Variants in PLD1 observed in about 807,000 individuals in gnomAD.
The protein encoded by PLD1 is choline phosphatase 1.
In PLD1, 112 loss-of-function variants were observed where a neutral mutation model predicts 137.1. That is an observed-to-expected ratio of 0.82 (90% confidence interval 0.70 to 0.96). The LOEUF is 0.96. PLD1 is among the 40% of genes least tolerant of loss of function. The pLI is 0.00. For synonymous variants in PLD1, 431 were observed against 454.7 expected, an observed-to-expected ratio of 0.95 and a Z score of 0.66; for missense variants, 1,321 against 1,342.0, an observed-to-expected ratio of 0.98 and a Z score of 0.24.
At chr3:171,726,121 A>G (rs1718485575) in intron 6 of PLD1, 45 bp from the exon 7 acceptor site, 1 of 1,288,554 alleles carries the variant, frequency 7.8e-7, no homozygotes. Context: ...AAAACAATTC[A>G]AATTTATGCA....
chr3:171,643,015 T>C (rs1016476405), intron 22 of PLD1, 126 bp from the exon 23 acceptor site: 2 of 629,102 alleles, frequency 3.2e-6, no homozygotes, highest in Admixed American at 3.4e-5. Context: ...AGATGCTACA[T>C]ATATATCTAA....
chr3:171,735,626 A>T lies in PLD1; in HGVS notation c.300T>A (p.Ile100=). 6.6e-7 allele frequency: 1 copy of T among 1,521,014 alleles called. No homozygotes were observed. Among genetic ancestry groups the T allele is most frequent in the Non-Finnish European group, 9.1e-7 (1 of 1,095,252 alleles). 94.2% of individuals were successfully genotyped at this position (1,521,014 alleles called of 1,614,324 possible). A position where few individuals can be genotyped will look rare whatever the true frequency, so the allele number is the denominator to read the frequency against. ...GTGTTAATTCAATAGTGTAAAGATT[A>T]ATACTTGGTACCTACAGTGATACAT... The part of the protein sequence containing the change: ...RFTSTTRVPS[I]NLYTIELTHG... Residue 100 remains isoleucine (I), a synonymous_variant, in exon 4 of 27, where the codon ATT becomes ATA. Coordinates refer to ENST00000351298, the MANE Select transcript of PLD1 (RefSeq NM_002662.5).
rs534086557 is a variant in PLD1, at chr3:171,622,251, C to A, written c.2594-1731G>T. Among the ~76,000 whole-genome samples the A allele has an allele frequency of 2.1e-4, 32 of 152,282 alleles. No homozygotes were observed. In the South Asian group the frequency reaches 6.0e-3, roughly 29 times the overall value. The stretch of plus-strand genomic sequence containing the variant: ...TAGTAGACCAGTGGTTCTCAGCATG[C>A]ACAAAGACCACCTCTATGGAATTTG... On this transcript the variant is annotated intron_variant, in intron 23 of 26. Coordinates refer to ENST00000351298, the MANE Select transcript of PLD1 (RefSeq NM_002662.5).
At position 171,699,748 on chromosome 3, in the gene PLD1, T is replaced by C. The variant is rs1316879130; in HGVS notation, c.1224A>G (p.Lys408=). The part of the protein sequence containing the change: ...RWRLDCILKR[K]AQQGVRIFIM... ...CATTTTCTGGGAAAGTACATACTGC[T>C]TTTCGTTTAAGAATGCAGTCCAACC... Residue 408 remains lysine, a synonymous_variant, in exon 12 of 27, where the codon AAA becomes AAG. Coordinates refer to ENST00000351298, the MANE Select transcript of PLD1 (RefSeq NM_002662.5). 1 of 1,608,598 alleles carries C rather than the reference T, an allele frequency of 6.2e-7. No individual in the cohort carries two copies. Among genetic ancestry groups the C allele is most frequent in the East Asian group, 2.2e-5 (1 of 44,850 alleles).
intron 13 of PLD1, among the ~76,000 whole-genome samples, chr3:171,689,780 GCA>G (rs1714965152): frequency 6.6e-6 from 1 of 152,160 alleles, no homozygotes; most frequent in Non-Finnish European, 1.5e-5. Context: ...GGGACTACAT[GCA>G]TGAGCCACCA....
chr3:171,699,662 G>A, intron 12 of PLD1, 83 bp downstream of exon 12: 1 of 971,546 alleles, frequency 1.0e-6, no homozygotes, highest in Non-Finnish European at 1.6e-6. Context: ...AGTTATACGT[G>A]TGAAAGGCTT....
chr3:171,643,144 G>A, intron 22 of PLD1: 2 of 347,654 alleles, frequency 5.8e-6, no homozygotes, highest in Non-Finnish European at 1.0e-5. Flanking sequence ...CAGAAAGAGA[G>A]GCTATTAAAA....
intron 1 of PLD1, among the ~76,000 whole-genome samples, chr3:171,804,972 T>C (rs1354835650): frequency 6.6e-6 from 1 of 152,224 alleles, no homozygotes; most frequent in Admixed American, 6.5e-5. Context: ...CTTTTCCCCA[T>C]GTTTATTCCT....
chr3:171,642,137 G>A (rs1735807165), intron 23 of PLD1, among the ~76,000 whole-genome samples: 1 of 152,078 alleles, frequency 6.6e-6, no homozygotes, highest in South Asian at 2.1e-4. Context: ...TTGTAGCCAA[G>A]AACTAGGTAG....
intron 1 of PLD1, among the ~76,000 whole-genome samples, chr3:171,761,350 T>C (rs182599745): frequency 1.3e-5 from 2 of 152,278 alleles, no homozygotes; most frequent in East Asian, 3.9e-4. Flanking sequence ...AAAAAGGAGA[T>C]GCTTCATCAG....
Position 171,674,574 on chromosome 3 carries a change from G to A in PLD1, c.2155C>T (p.Leu719=). ...GCTGTTGTTTGAGACTTTGGAAGCA[G>A]AAAAGGATAAGAAAGGGACCGATAT... ...SKYRSLSYPF[L]LPKSQTTAHE... The change falls in exon 19 of 27, where the codon CTG becomes TTG. Residue 719 remains leucine, a synonymous_variant. Transcript: ENST00000351298. 1.2e-6 allele frequency: 2 copies of A among 1,608,668 alleles called. No homozygotes were observed. Among genetic ancestry groups the A allele is most frequent in the African/African-American group, 2.7e-5 (2 of 74,882 alleles).
In PLD1 at chr3:171,714,627, T is replaced by A. The variant is rs144037138; in HGVS notation, c.759-582A>T. Among the ~76,000 whole-genome samples the A allele has an allele frequency of 5.5e-4, 84 of 152,354 alleles. No individual in the cohort carries two copies. In the East Asian group the frequency reaches 0.015, roughly 28 times the overall value. ...CTGTAAATATAGCATGGGAACTCAG[T>A]ATTTAAAATATATCTATAATAAATC... is the stretch of plus-strand genomic sequence containing the variant. On this transcript the variant is annotated intron_variant, in intron 8 of 26. Transcript: ENST00000351298.
At chr3:171,704,835 T>C (rs1560234515) in intron 11 of PLD1, among the ~76,000 whole-genome samples, 1 of 152,020 alleles carries the variant, frequency 6.6e-6, no homozygotes, top group South Asian at 2.1e-4. Context: ...TTTCCATGGG[T>C]GGGAGCTGGG....
Position 171,785,424 on chromosome 3 carries a change from A to G in PLD1, c.-32+24975T>C, listed in dbSNP as rs1722972784. On this transcript the variant is annotated intron_variant, in intron 1 of 26. Transcript: ENST00000351298. ...AGATATTTTACATTTCTTGTGTACT[A>G]GGAAATCCAGTGTCTATTTTTTTTT... 2.0e-5 allele frequency among the ~76,000 whole-genome samples: 3 copies of G among 146,994 alleles called. No individual in the cohort carries two copies. The Admixed American group carries it at 2.1e-4, about 10-fold the overall frequency.
At chr3:171,629,754 C>A (rs1179253420) in intron 23 of PLD1, among the ~76,000 whole-genome samples, 1 of 152,090 alleles carries the variant, frequency 6.6e-6, no homozygotes, top group Non-Finnish European at 1.5e-5. Context: ...GAAAAACAAG[C>A]AATGGGGAAA....
intron 12 of PLD1, 49 bp from the exon 13 acceptor site, chr3:171,692,491 T>C: frequency 1.1e-6 from 1 of 874,788 alleles, no homozygotes; most frequent in South Asian, 1.4e-5. Context: ...TGGAGGGAAG[T>C]TACAATTCAT....
chr3:171,746,888 A>G (rs1344469507), intron 1 of PLD1, among the ~76,000 whole-genome samples: 1 of 152,192 alleles, frequency 6.6e-6, no homozygotes, highest in Non-Finnish European at 1.5e-5. Context: ...ATACGGTGGA[A>G]GGTTTGTTCT....
chr3:171,676,356 C>G (rs1295954410), intron 18 of PLD1, among the ~76,000 whole-genome samples: 1 of 152,032 alleles, frequency 6.6e-6, no homozygotes, highest in Non-Finnish European at 1.5e-5. Flanking sequence ...CTCAAGCCCT[C>G]TCATCTAAAC....
intron 24 of PLD1, among the ~76,000 whole-genome samples, chr3:171,614,683 A>G (rs1732947372): frequency 6.6e-6 from 1 of 152,234 alleles, no homozygotes; most frequent in South Asian, 2.1e-4. Context: ...TGAAGATCCC[A>G]TATTGCTACT....
Sources: allele counts gnomAD v4.1 joint callset (sites outside exome capture counted in the v4.1 genomes callset), GRCh38; gene constraint gnomAD v4.1.1; transcripts MANE v1.5; gene names NCBI Gene and HGNC (gene_info 2026-07-23, HGNC 2026-07-21).